RASSF5: variants seen among roughly 807,000 people sequenced by gnomAD.
RASSF5 encodes the protein ras association domain-containing protein 5.
Under a neutral mutation model 40.5 loss-of-function variants are expected in RASSF5, and 25 were observed. That is an observed-to-expected ratio of 0.62 (90% CI 0.45 to 0.86). The LOEUF (loss-of-function observed/expected upper bound fraction) is 0.86. Among genes scored for constraint, RASSF5 ranks in the 40% least tolerant of loss-of-function variants. RASSF5 has a pLI of 0.00. For missense variants in RASSF5, 521 were observed against 572.8 expected (o/e 0.91, Z 0.92); for synonymous variants, 246 against 252.4 (o/e 0.97, Z 0.24).
chr1:206,526,670 CT>C (rs1667104946), intron 1 of RASSF5, among the ~76,000 whole-genome samples: 1 of 152,178 alleles, frequency 6.6e-6, no homozygotes, highest in African/African-American at 2.4e-5. Context: ...TCCAGCCCCC[CT>C]GCCTTACTCC....
At position 206,579,832 on chromosome 1, in the gene RASSF5, T is replaced by A. The variant is rs17012165; in HGVS notation, c.580-3437T>A. 0.015 allele frequency among the ~76,000 whole-genome samples: 2,310 copies of A among 152,278 alleles called. 65 individuals carry two copies. The highest frequency in any genetic ancestry group is 0.053 in the African/African-American group (2,196 of 41,532). ...CGCCATCTCTTGGGTGGAAAAAGGA[T>A]CCGTGAGCCCTCGTGGCTGTGGCTG... On this transcript the variant is annotated intron_variant, in intron 2 of 5. Transcript: ENST00000579436. This position sits in a 1 kb window ranked among gnomAD's most constrained non-coding sequence, Gnocchi z 4.2.
chr1:206,551,834 A>C lies in RASSF5; in HGVS notation c.579+13541A>C, dbSNP rs150812456. Among the ~76,000 whole-genome samples, 411 of 152,364 alleles carry C rather than the reference A, an allele frequency of 2.7e-3. 2 individuals carry two copies. Among genetic ancestry groups the C allele is most frequent in the African/African-American group, 9.3e-3 (387 of 41,594 alleles). ...CAAGACCCTCCTTGCTAGATGTAGCAGTGCAATAGTTGTTCACATCTCACC... is the reference window on the plus strand; with the variant it reads ...CAAGACCCTCCTTGCTAGATGTAGCCGTGCAATAGTTGTTCACATCTCACC... On this transcript the variant is annotated intron_variant, in intron 2 of 5. Coordinates refer to ENST00000579436, the MANE Select transcript of RASSF5 (RefSeq NM_182663.4).
chr1:206,524,057 G>C (rs1308486184), intron 1 of RASSF5, among the ~76,000 whole-genome samples: 1 of 104,736 alleles, frequency 9.5e-6, no homozygotes, highest in Non-Finnish European at 1.9e-5. Flanking sequence ...TATATAATAG[G>C]TATAACATAT....
At chr1:206,559,947 G>A (rs1668092934) in intron 2 of RASSF5, among the ~76,000 whole-genome samples, 1 of 152,142 alleles carries the variant, frequency 6.6e-6, no homozygotes, top group African/African-American at 2.4e-5. Flanking sequence ...ATTCTTCTAG[G>A]TGCCTTTTTA....
intron 2 of RASSF5, among the ~76,000 whole-genome samples, chr1:206,547,390 C>T (rs1052733513): frequency 5.9e-5 from 9 of 151,866 alleles, no homozygotes; most frequent in South Asian, 2.1e-4. Flanking sequence ...TGTAGACCAG[C>T]GGCAGCATTA....
chr1:206,583,202 C>T (rs75355592), intron 2 of RASSF5, 67 bp from the exon 3 acceptor site: 38,380 of 1,014,970 alleles, frequency 0.038, 890 homozygotes, highest in Admixed American at 0.047. Flanking sequence ...TTGGGGAGGG[C>T]GTGGTTGTTC....
At chr1:206,572,957 A>G (rs775492627) in intron 2 of RASSF5, among the ~76,000 whole-genome samples, 32 of 152,190 alleles carry the variant, frequency 2.1e-4, no homozygotes, top group Non-Finnish European at 4.1e-4. Context: ...CTTTGGTCAA[A>G]TGACTACTGA....
intron 2 of RASSF5, among the ~76,000 whole-genome samples, chr1:206,545,520 T>C (rs1388189785): frequency 1.3e-5 from 2 of 152,012 alleles, no homozygotes; most frequent in Non-Finnish European, 2.9e-5. Flanking sequence ...TTTTGAGTTT[T>C]TTTATAGAGA....
At chr1:206,540,273 G>T (rs1212856788) in intron 2 of RASSF5, among the ~76,000 whole-genome samples, 2 of 152,250 alleles carry the variant, frequency 1.3e-5, no homozygotes, top group East Asian at 3.8e-4. Flanking sequence ...CCCAGGGAAG[G>T]CCTGGAGTTG....
At chr1:206,521,457 G>C (rs1353545189) in intron 1 of RASSF5, among the ~76,000 whole-genome samples, 1 of 152,190 alleles carries the variant, frequency 6.6e-6, no homozygotes, top group African/African-American at 2.4e-5. Context: ...CTGGCCTCCT[G>C]TGACCTCCTG....
intron 3 of RASSF5, chr1:206,583,668 T>A (rs969785728): frequency 7.8e-6 from 3 of 386,508 alleles, no homozygotes; most frequent in Non-Finnish European, 1.5e-5. Context: ...CGGTACGTAA[T>A]GACCAAGGGC....
In RASSF5 at chr1:206,567,618, C is replaced by T. The variant is rs1342118888; in HGVS notation, c.580-15651C>T. Among the ~76,000 whole-genome samples the T allele has an allele frequency of 3.9e-5, 6 of 152,152 alleles. No individual in the cohort carries two copies. The East Asian group carries it at 5.8e-4, about 15-fold the overall frequency. On this transcript the variant is annotated intron_variant, in intron 2 of 5. Transcript: ENST00000579436. ...GGCCTCACTTTCTCCCTCTGTAAGA[C>T]GGGAAGACTTGGCGAACTCTGGGGC...
intron 1 of RASSF5, among the ~76,000 whole-genome samples, chr1:206,511,056 C>T (rs1177089742): frequency 6.6e-6 from 1 of 152,226 alleles, no homozygotes; most frequent in African/African-American, 2.4e-5. Context: ...TACCCCACTT[C>T]AAGGTCTGTA....
rs1238621775 is a variant in RASSF5 at position 206,535,482 on chromosome 1, T to C, written c.458-2690T>C. On this transcript the variant is annotated intron_variant, in intron 1 of 5. Transcript: ENST00000579436. The surrounding 1 kb of genome is among the most constrained non-coding windows in gnomAD (Gnocchi z 5.0). ...ATGGGGGCTCTGACTTCATCTCTGC[T>C]GGCCTAAAAGCCCTGGGCTTGGCAT... 1.3e-5 allele frequency among the ~76,000 whole-genome samples: 2 copies of C among 152,296 alleles called. No individual in the cohort carries two copies. Among genetic ancestry groups the C allele is most frequent in the Non-Finnish European group, 2.9e-5 (2 of 68,026 alleles).
intron 2 of RASSF5, among the ~76,000 whole-genome samples, chr1:206,558,764 G>A (rs1553402162): frequency 6.6e-6 from 1 of 152,202 alleles, no homozygotes; most frequent in African/African-American, 2.4e-5. Flanking sequence ...GTTTGAAGGA[G>A]TCAACTAAAA....
At chr1:206,540,358 G>A (rs1051617481) in intron 2 of RASSF5, among the ~76,000 whole-genome samples, 1 of 152,244 alleles carries the variant, frequency 6.6e-6, no homozygotes, top group South Asian at 2.1e-4. Context: ...TGGAAACAGA[G>A]TGACCCCCTT....
In RASSF5 at chr1:206,524,861, ACACACACACACT is replaced by A. The variant is rs1421657605; in HGVS notation, c.458-13299_458-13288del. Reference sequence around the variant, plus strand: ...TTGTTTATAATACACATGCACACATACACACACACACTCACACACACACACATGCACAGGGCA... The same window carrying A: ...TTGTTTATAATACACATGCACACATACACACACACACACATGCACAGGGCA... On this transcript the variant is annotated intron_variant, in intron 1 of 5. Coordinates refer to ENST00000579436, the MANE Select transcript of RASSF5 (RefSeq NM_182663.4). Among the ~76,000 whole-genome samples, 308 of 151,078 alleles carry A rather than the reference ACACACACACACT, an allele frequency of 2.0e-3. 3 individuals are homozygous for A. The highest frequency in any genetic ancestry group is 6.6e-3 in the African/African-American group (271 of 41,150).
At chr1:206,553,505 G>C (rs900102674) in intron 2 of RASSF5, among the ~76,000 whole-genome samples, 1 of 152,182 alleles carries the variant, frequency 6.6e-6, no homozygotes, top group Non-Finnish European at 1.5e-5. Context: ...AGCAGGTAGC[G>C]GACAAGGGAG....
intron 1 of RASSF5, among the ~76,000 whole-genome samples, chr1:206,523,297 T>G (rs1259730898): frequency 2.8e-5 from 4 of 141,518 alleles, no homozygotes; most frequent in African/African-American, 1.1e-4. Flanking sequence ...GACCAAGACT[T>G]TGTCTCAAAA....
Sources: gnomAD v4.1 joint callset for allele counts (sites outside exome capture counted in the v4.1 genomes callset) on GRCh38, gnomAD v4.1.1 for gene constraint, Gnocchi (gnomAD v3.1) non-coding constraint, MANE v1.5 for transcripts, NCBI Gene and HGNC (gene_info 2026-07-23, HGNC 2026-07-21) for gene names.